The following KRI1 variants were observed in gnomAD, a reference collection of about 807,000 sequenced individuals.
KRI1 encodes KRI1 homolog, also known as protein KRI1 homolog.
A neutral mutation model predicts 97.0 loss-of-function variants in KRI1; 83 were observed. The observed-to-expected ratio is 0.86, with a 90% CI of 0.72 to 1.03. The LOEUF is 1.03. Among genes scored for constraint, KRI1 ranks in the 50% least tolerant of loss-of-function variants. The pLI, the probability that KRI1 is intolerant of heterozygous loss-of-function variation, is 0.00. For missense variants in KRI1, 916 were observed against 928.4 expected, an observed-to-expected ratio of 0.99 and a Z score of 0.17; for synonymous variants, 371 against 363.5, an observed-to-expected ratio of 1.02 and a Z score of -0.23.
chr19:10,565,814 C>CCG (rs1555750213), intron 1 of KRI1, 24 bp from the exon 2 acceptor site: 3 of 1,549,918 alleles, frequency 1.9e-6, no homozygotes, highest in East Asian at 4.9e-5. Context: ...ACGGGATGCC[C>CCG]CCCCCCAGGT....
Position 10,561,097 on chromosome 19 carries a change from A to G in KRI1, c.586-17T>C. 1 of 1,613,686 alleles carries G rather than the reference A, an allele frequency of 6.2e-7. No homozygotes were observed. Among genetic ancestry groups the G allele is most frequent in the Non-Finnish European group, 8.5e-7 (1 of 1,179,708 alleles). ...CTCCTGGGCCTGGGGGAAAGCTAGCACTGAGCATCCGCAGATGCCCAGCCA... is the reference window on the plus strand; with the variant it reads ...CTCCTGGGCCTGGGGGAAAGCTAGCGCTGAGCATCCGCAGATGCCCAGCCA... On this transcript the variant is annotated splice_polypyrimidine_tract_variant and intron_variant, in intron 7 of 18. Coordinates refer to ENST00000312962, the MANE Select transcript of KRI1 (RefSeq NM_023008.5).
chr19:10,554,003 CG>C lies in KRI1; in HGVS notation c.2059del (p.Arg687AlafsTer83), dbSNP rs769369964. ...TTTCCTCCGCTGCCGGCCCAGCTGG[CG>C]GAAGTGCAGCCGTTTGGGGTTGAGG... The part of the protein sequence containing the change: ...FGLNPKRLHF[R>X]QLGRQRRKQQ... On this transcript the variant is annotated frameshift_variant, in exon 19 of 19. Coordinates refer to ENST00000312962, the MANE Select transcript of KRI1 (RefSeq NM_023008.5). LOFTEE classifies it low-confidence loss of function (END_TRUNC). 3.7e-6 allele frequency: 6 copies of C among 1,612,700 alleles called. No individual in the cohort carries two copies. Among genetic ancestry groups the C allele is most frequent in the African/African-American group, 2.7e-5 (2 of 74,890 alleles).
At chr19:10,563,683 A>C (rs1198623050) in intron 3 of KRI1, among the ~76,000 whole-genome samples, 1 of 151,754 alleles carries the variant, frequency 6.6e-6, no homozygotes, top group Non-Finnish European at 1.5e-5. Context: ...TGAGAGTTGG[A>C]GTCTTACTCT....
intron 3 of KRI1, among the ~76,000 whole-genome samples, 184 bp downstream of exon 3, chr19:10,564,745 A>C (rs896042880): frequency 1.3e-5 from 2 of 152,198 alleles, no homozygotes; most frequent in African/African-American, 4.8e-5. Flanking sequence ...TGAACTGTGT[A>C]AACTGGGTAA....
In KRI1 at chr19:10,565,252, G is replaced by T. The variant is rs1050207247; in HGVS notation, c.169-218C>A. 5 of 579,958 alleles carry T rather than the reference G, an allele frequency of 8.6e-6. No individual in the cohort carries two copies. The Admixed American group carries it at 1.3e-4, about 15-fold the overall frequency. 35.9% of individuals were successfully genotyped at this position (579,958 alleles called of 1,614,324 possible). On this transcript the variant is annotated intron_variant, in intron 2 of 18. Coordinates refer to ENST00000312962, the MANE Select transcript of KRI1 (RefSeq NM_023008.5). ...AGGATATGGGTAGAGGAAGGTGAGG[G>T]GCAAGGAGAAGGTAATTCCTGGGGA...
chr19:10,554,387 C>A, intron 18 of KRI1, 106 bp from the exon 19 acceptor site: 1 of 971,460 alleles, frequency 1.0e-6, no homozygotes, highest in East Asian at 2.5e-5. Context: ...CATAGTGAAG[C>A]AGCCGCACAG....
chr19:10,561,583 C>T (rs942695604), intron 6 of KRI1, 84 bp downstream of exon 6: 3 of 1,298,204 alleles, frequency 2.3e-6, no homozygotes, highest in African/African-American at 1.5e-5. Context: ...TAGAAAGTGA[C>T]AGAGCTCAAT....
intron 16 of KRI1, among the ~76,000 whole-genome samples, chr19:10,557,173 C>T (rs1599530931): frequency 6.8e-6 from 1 of 147,922 alleles, no homozygotes. Context: ...GGTGCAATCT[C>T]GGCTCATTGC....
Position 10,561,783 on chromosome 19 carries a change from C to T in KRI1, c.438+8G>A, listed in dbSNP as rs777111819. On this transcript the variant is annotated splice_region_variant and intron_variant, in intron 5 of 18. Coordinates refer to ENST00000312962, the MANE Select transcript of KRI1 (RefSeq NM_023008.5). The stretch of plus-strand genomic sequence containing the variant: ...TCAGCCCCCCGACCCAGCCTTCACC[C>T]CACCCACCTGGAGTCTGTGATTGGA... 2.5e-6 allele frequency: 4 copies of T among 1,613,988 alleles called. No homozygotes were observed. The highest frequency in any genetic ancestry group is 3.4e-6 in the Non-Finnish European group (4 of 1,179,890).
chr19:10,562,992 G>C (rs1916745997), intron 3 of KRI1, among the ~76,000 whole-genome samples, 155 bp from the exon 4 acceptor site: 1 of 152,136 alleles, frequency 6.6e-6, no homozygotes, highest in Non-Finnish European at 1.5e-5. Context: ...GTCACCATCT[G>C]GTGGGGTTGG....
intron 3 of KRI1, among the ~76,000 whole-genome samples, chr19:10,563,040 A>G (rs1916747230): frequency 6.6e-6 from 1 of 151,774 alleles, no homozygotes; most frequent in Non-Finnish European, 1.5e-5. Flanking sequence ...GATTATTATT[A>G]TTGTTGTTAT....
Position 10,564,436 on chromosome 19 carries a change from G to A in KRI1, c.274+493C>T, listed in dbSNP as rs1599537414. 2.0e-5 allele frequency among the ~76,000 whole-genome samples: 3 copies of A among 151,484 alleles called. No homozygotes were observed. The South Asian group carries it at 6.3e-4, about 32-fold the overall frequency. ...GATCGTCCCATTGCAACCCAGCCTG[G>A]GCAACAAGAGTGAAACTCCATTTCA... On this transcript the variant is annotated intron_variant, in intron 3 of 18. Transcript: ENST00000312962.
intron 3 of KRI1, among the ~76,000 whole-genome samples, chr19:10,564,635 G>A (rs1357903623): frequency 6.6e-6 from 1 of 152,148 alleles, no homozygotes; most frequent in Non-Finnish European, 1.5e-5. Context: ...ACCTTGAATA[G>A]TGCCAAGGAC....
At position 10,553,574 on chromosome 19, in the gene KRI1, A is replaced by ACTTT. The variant is rs1916383720; in HGVS notation, c.*376_*377insAAAG. 1.1e-5 allele frequency: 1 copy of ACTTT among 94,936 alleles called. No individual in the cohort carries two copies. The allele number at this position is 94,936 out of a possible 1,614,324, so 5.9% of individuals were successfully genotyped here. ...TTACCCACAGCTACACGTGTTTTTTAATTTTTTTTTTTTTTTCAAGAGACA... is the reference window on the plus strand; with the variant it reads ...TTACCCACAGCTACACGTGTTTTTTACTTTATTTTTTTTTTTTTTTCAAGAGACA... On this transcript the variant is annotated 3_prime_UTR_variant, in exon 19 of 19. Coordinates refer to ENST00000312962, the MANE Select transcript of KRI1 (RefSeq NM_023008.5).
chr19:10,553,976 T>C lies in KRI1; in HGVS notation c.2087A>G (p.Gln696Arg). 2 of 1,609,860 alleles carry C rather than the reference T, an allele frequency of 1.2e-6. No homozygotes were observed. The highest frequency in any genetic ancestry group is 1.3e-5 in the African/African-American group (1 of 74,960). The change falls in exon 19 of 19, where the codon CAA (glutamine) becomes CGA (arginine). Residue 696 changes from glutamine to arginine, a missense_variant. Physicochemically the swap from Gln to Arg is conservative, Grantham distance 43 (BLOSUM62 1). Transcript: ENST00000312962. ...TCAGGAGCTGTTCTTGGGCCCCTGT[T>C]GTTTCCTCCGCTGCCGGCCCAGCTG... ...FRQLGRQRRK[Q>R]QGPKNSS
At position 10,561,658 on chromosome 19, in the gene KRI1, C is replaced by A; in HGVS notation, c.488+9G>T. The A allele has an allele frequency of 6.2e-7, 1 of 1,613,908 alleles. No individual in the cohort carries two copies. Among genetic ancestry groups the A allele is most frequent in the Non-Finnish European group, 8.5e-7 (1 of 1,179,852 alleles). ...CTCCATTGGGCCATTCCCGCCCACC[C>A]AGCCTCACCTTTCCTTGAGCTGTTT... On this transcript the variant is annotated intron_variant, in intron 6 of 18. Transcript: ENST00000312962.
chr19:10,554,399 G>A (rs758198778), intron 18 of KRI1, 118 bp from the exon 19 acceptor site: 11 of 854,802 alleles, frequency 1.3e-5, no homozygotes, highest in Non-Finnish European at 2.0e-5. Context: ...GCCGCACAGC[G>A]ACCGAGGGCC....
chr19:10,554,313 CCTG>C (rs1270923975), intron 18 of KRI1, 32 bp from the exon 19 acceptor site: 1 of 1,585,766 alleles, frequency 6.3e-7, no homozygotes, highest in East Asian at 2.2e-5. Flanking sequence ...TCAGCCCAGG[CCTG>C]TCAAGATCAG....
Position 10,554,194 on chromosome 19 carries a change from C to G in KRI1, c.1869G>C (p.Leu623Phe). The G allele has an allele frequency of 6.2e-7, 1 of 1,614,018 alleles. No homozygotes were observed. Among genetic ancestry groups the G allele is most frequent in the Non-Finnish European group, 8.5e-7 (1 of 1,180,008 alleles). ...GTGCTGGGGGACTCTCCGGCCCCATCAAGCTGCCATCAAGGGCTGGCAGCT... is the reference window on the plus strand; with the variant it reads ...GTGCTGGGGGACTCTCCGGCCCCATGAAGCTGCCATCAAGGGCTGGCAGCT... Reference protein sequence around the residue: ...QRQLPALDGSLMGPESPPAQE... With the variant: ...QRQLPALDGSFMGPESPPAQE... The change falls in exon 19 of 19, where the codon TTG becomes TTC. Residue 623 changes from leucine to phenylalanine, a missense_variant. By Grantham distance (22) the Leu-to-Phe change is conservative (BLOSUM62 0). Transcript: ENST00000312962.
Sources: gnomAD v4.1 joint callset for allele counts (sites outside exome capture counted in the v4.1 genomes callset) on GRCh38, gnomAD v4.1.1 for gene constraint, MANE v1.5 for transcripts, NCBI Gene and HGNC (gene_info 2026-07-23, HGNC 2026-07-21) for gene names.